Variants in ZBTB46 observed in about 807,000 individuals in gnomAD.
ZBTB46 encodes zinc finger and BTB domain-containing protein 46.
In ZBTB46, 8 loss-of-function variants were observed where a neutral mutation model predicts 44.1. The ratio of observed to expected loss-of-function variants is 0.18; its 90% confidence interval spans 0.11 to 0.33. The LOEUF is 0.33. Ranked by LOEUF, ZBTB46 falls within the 10% of genes least tolerant of loss-of-function variation. The pLI is 1.00. For missense variants in ZBTB46, 651 were observed against 847.7 expected (o/e 0.77, Z 2.88); for synonymous variants, 409 against 382.3 (o/e 1.07, Z -0.81).
At chr20:63,811,258 G>C (rs1033111321) in intron 1 of ZBTB46, among the ~76,000 whole-genome samples, 1 of 152,320 alleles carries the variant, frequency 6.6e-6, no homozygotes, top group Non-Finnish European at 1.5e-5. Context: ...CTAGGGGCAA[G>C]AGACGACAAC....
At chr20:63,813,427 G>T (rs1035440399) in intron 1 of ZBTB46, among the ~76,000 whole-genome samples, 1 of 150,636 alleles carries the variant, frequency 6.6e-6, no homozygotes, top group African/African-American at 2.4e-5. Flanking sequence ...CCAGCCTGGA[G>T]ACAGAGCAAG....
chr20:63,783,383 C>T (rs1001442537), intron 2 of ZBTB46, among the ~76,000 whole-genome samples: 7 of 152,216 alleles, frequency 4.6e-5, no homozygotes, highest in East Asian at 3.9e-4. Flanking sequence ...GAGCCGAGAT[C>T]GCGCCATTGC....
rs1281431576 is a variant in ZBTB46 at position 63,746,505 on chromosome 20, C to T, written c.*425G>A. ...GGAGGGCGGGCTCCAGCCGGGCTGA[C>T]CGGGTGTCTGTAAAACTCTGCACCT... On this transcript the variant is annotated 3_prime_UTR_variant, in exon 5 of 5. Coordinates refer to ENST00000245663, the MANE Select transcript of ZBTB46 (RefSeq NM_001369741.1). The T allele has an allele frequency of 5.9e-6, 1 of 168,946 alleles. No homozygotes were observed. Among genetic ancestry groups the T allele is most frequent in the Non-Finnish European group, 1.3e-5 (1 of 79,618 alleles). 10.5% of individuals were successfully genotyped at this position (168,946 alleles called of 1,614,324 possible).
Position 63,772,765 on chromosome 20 carries a change from A to ACACACACACC in ZBTB46, c.1222+2912_1222+2913insGGTGTGTGTG, listed in dbSNP as rs760494766. Among the ~76,000 whole-genome samples the ACACACACACC allele has an allele frequency of 2.6e-4, 14 of 53,002 alleles. 1 individual carries two copies. The highest frequency in any genetic ancestry group is 7.2e-4 in the African/African-American group (10 of 13,832). 34.8% of individuals were successfully genotyped at this position (53,002 alleles called of 152,430 possible). A position where few individuals can be genotyped will look rare whatever the true frequency, so the allele number is the denominator to read the frequency against. ...CACACACACACACACACACACACAC[A>ACACACACACC]CAGAAGTGCGGGGTGTGCCCTCACC... On this transcript the variant is annotated intron_variant, in intron 3 of 4. Transcript: ENST00000245663.
chr20:63,825,216 C>T (rs1199411223), intron 1 of ZBTB46, among the ~76,000 whole-genome samples: 1 of 151,592 alleles, frequency 6.6e-6, no homozygotes, highest in African/African-American at 2.4e-5. Context: ...GCCTGGCCAA[C>T]ATGATGAAAC....
At chr20:63,823,868 G>T (rs1215680663) in intron 1 of ZBTB46, among the ~76,000 whole-genome samples, 1 of 151,514 alleles carries the variant, frequency 6.6e-6, no homozygotes, top group African/African-American at 2.4e-5. Flanking sequence ...TTGTGTGTGT[G>T]TGTGTGTGTG....
At chr20:63,804,785 G>A (rs1443382350) in intron 1 of ZBTB46, among the ~76,000 whole-genome samples, 5 of 151,818 alleles carry the variant, frequency 3.3e-5, no homozygotes, top group East Asian at 2.0e-4. Context: ...CCAGCTACTC[G>A]GGAGGCTGAG....
Position 63,815,954 on chromosome 20 carries a change from CAGGTGCAGT to C in ZBTB46, c.-34+15134_-34+15142del, listed in dbSNP as rs1463569867. On this transcript the variant is annotated intron_variant, in intron 1 of 4. Coordinates refer to ENST00000245663, the MANE Select transcript of ZBTB46 (RefSeq NM_001369741.1). ...GCAGTGGGTGCAGGTACAGTGGGCA[CAGGTGCAGT>C]GGGTGCAGGTACAGTGGGCGCAGGT... Among the ~76,000 whole-genome samples the C allele has an allele frequency of 2.6e-4, 37 of 141,128 alleles. 1 individual carries two copies. The South Asian group carries it at 8.4e-3, about 32-fold the overall frequency. 92.6% of individuals were successfully genotyped at this position (141,128 alleles called of 152,430 possible).
chr20:63,821,792 G>A (rs2146086906), intron 1 of ZBTB46, among the ~76,000 whole-genome samples: 1 of 152,252 alleles, frequency 6.6e-6, no homozygotes, highest in Non-Finnish European at 1.5e-5. Context: ...AATACTTAAA[G>A]TACAGAGTAA....
chr20:63,774,854 C>G (rs914357260), intron 3 of ZBTB46, among the ~76,000 whole-genome samples: 2 of 152,050 alleles, frequency 1.3e-5, no homozygotes, highest in African/African-American at 4.8e-5. Context: ...CAGGCGCCCG[C>G]CACCACGCCC....
intron 1 of ZBTB46, among the ~76,000 whole-genome samples, chr20:63,811,731 G>C (rs894876709): frequency 2.6e-5 from 4 of 152,036 alleles, no homozygotes; most frequent in Non-Finnish European, 4.4e-5. Context: ...GCTGCTGTCT[G>C]ACTCCCTGCC....
intron 3 of ZBTB46, among the ~76,000 whole-genome samples, chr20:63,758,808 T>C (rs2092248362): frequency 6.6e-6 from 1 of 151,584 alleles, no homozygotes; most frequent in Admixed American, 6.6e-5. Context: ...CTCAGCTCAT[T>C]GCAAGCTCCG....
At chr20:63,779,082 C>T (rs1054880162) in intron 2 of ZBTB46, among the ~76,000 whole-genome samples, 1 of 152,108 alleles carries the variant, frequency 6.6e-6, no homozygotes, top group African/African-American at 2.4e-5. Flanking sequence ...GGATCAGGGC[C>T]CCGCCTGTGA....
chr20:63,821,279 G>A (rs1163734462), intron 1 of ZBTB46, among the ~76,000 whole-genome samples: 5 of 151,310 alleles, frequency 3.3e-5, no homozygotes, highest in African/African-American at 1.2e-4. Context: ...CCAAAGTGCT[G>A]GGATTACAGG....
At chr20:63,779,714 G>A (rs886404940) in intron 2 of ZBTB46, among the ~76,000 whole-genome samples, 5 of 150,626 alleles carry the variant, frequency 3.3e-5, no homozygotes, top group Admixed American at 1.3e-4. Flanking sequence ...GAGCCACCGC[G>A]CCCGGCCGCT....
intron 4 of ZBTB46, among the ~76,000 whole-genome samples, chr20:63,747,971 C>G (rs1013354477): frequency 2.0e-5 from 3 of 152,216 alleles, no homozygotes; most frequent in Non-Finnish European, 4.4e-5. Flanking sequence ...CTTCCTGTAC[C>G]CAGCCGTACA....
In ZBTB46 at chr20:63,775,825, C is replaced by A. The variant is rs1239071162; in HGVS notation, c.1075G>T (p.Asp359Tyr). The A allele has an allele frequency of 1.2e-6, 2 of 1,613,400 alleles. No homozygotes were observed. Among genetic ancestry groups the A allele is most frequent in the Non-Finnish European group, 8.5e-7 (1 of 1,180,004 alleles). The stretch of plus-strand genomic sequence containing the variant: ...ACCGCGGTGGCCTGATGCAGGGCGT[C>A]GTCCTTCTCTGGGGTGAGGGGAGGG... The part of the protein sequence containing the change: ...LGPPLTPEKD[D>Y]ALHQATAVAN... The change falls in exon 3 of 5, where the codon GAC (aspartate) becomes TAC (tyrosine). Residue 359 changes from aspartate (D) to tyrosine (Y), a missense_variant. Asp to Tyr is a radical substitution (Grantham distance 160). This residue lies in a region of ZBTB46 where 385 missense variants were observed against 423.3 expected (regional missense o/e 0.91). Transcript: ENST00000245663.
Position 63,803,595 on chromosome 20 carries a change from C to G in ZBTB46, c.-33-12805G>C. ...GGGCTGCCCAGGTCTCTGTCGGAGG[C>G]CCTGCCAGCCCCGCCCCTCCCTGCC... On this transcript the variant is annotated intron_variant, in intron 1 of 4. Transcript: ENST00000245663. This position sits in a 1 kb window ranked among gnomAD's most constrained non-coding sequence, Gnocchi z 4.0. 1.1e-6 allele frequency: 1 copy of G among 885,868 alleles called. No individual in the cohort carries two copies. Among genetic ancestry groups the G allele is most frequent in the Non-Finnish European group, 1.4e-6 (1 of 739,270 alleles). The allele number at this position is 885,868 out of a possible 1,614,324, so 54.9% of individuals were successfully genotyped here. A position where few individuals can be genotyped will look rare whatever the true frequency, so the allele number is the denominator to read the frequency against.
rs144901399 is a variant in ZBTB46 at position 63,749,286 on chromosome 20, C to T, written c.1399-1985G>A. ...CACGCTAACCCTAGAAACAGAGCCT[C>T]AGACAACTTGGTGCCAGAACTGCTC... is the stretch of plus-strand genomic sequence containing the variant. On this transcript the variant is annotated intron_variant, in intron 4 of 4. Transcript: ENST00000245663. 7.8e-3 allele frequency among the ~76,000 whole-genome samples: 1,192 copies of T among 152,324 alleles called. 10 individuals are homozygous for T. The highest frequency in any genetic ancestry group is 0.011 in the Non-Finnish European group (763 of 68,028).
Sources: allele counts gnomAD v4.1 joint callset (sites outside exome capture counted in the v4.1 genomes callset), GRCh38; gene constraint gnomAD v4.1.1; regional missense constraint gnomAD v4.1.1; non-coding constraint Gnocchi (gnomAD v3.1); transcripts MANE v1.5; gene names NCBI Gene and HGNC (gene_info 2026-07-23, HGNC 2026-07-21).